The following FAM3B variants were observed in gnomAD, a reference collection of about 807,000 sequenced individuals.
FAM3B encodes FAM3 metabolism regulating signaling molecule B, also known as protein FAM3B.
FAM3B carries 29 observed loss-of-function variants against 28.4 expected under a neutral mutation model. The observed-to-expected ratio is 1.02, with a 90% CI of 0.76 to 1.39. FAM3B has a LOEUF of 1.39. Ranked by LOEUF, FAM3B falls within the 40% of genes most tolerant of loss-of-function variation. The pLI is 0.00. For synonymous variants in FAM3B, 91 were observed against 103.0 expected, an observed-to-expected ratio of 0.88 and a Z score of 0.71; for missense variants, 266 against 293.9, an observed-to-expected ratio of 0.91 and a Z score of 0.69.
chr21:41,320,459 C>T (rs1353123169), intron 1 of FAM3B: 1 of 152,232 alleles, frequency 6.6e-6, no homozygotes, highest in East Asian at 1.9e-4. Flanking sequence ...TTTGTTACAG[C>T]AGCCTGAGGA....
chr21:41,349,233 A>G (rs1294141768), intron 7 of FAM3B, among the ~76,000 whole-genome samples: 3 of 152,236 alleles, frequency 2.0e-5, no homozygotes, highest in Non-Finnish European at 4.4e-5. Context: ...GAGCAAAAGA[A>G]TGGCGTTCTC....
chr21:41,340,966 A>ATATATATATATATATATACATACAGG (rs1390715693), intron 3 of FAM3B, among the ~76,000 whole-genome samples: 13 of 152,256 alleles, frequency 8.5e-5, no homozygotes, highest in Admixed American at 2.0e-4. Context: ...ATACAGGTAT[A>ATATATATATATATATATACATACAGG]TATATGCATG....
rs1463660047 is a variant in FAM3B, at chr21:41,322,840, A to T, written c.20-83A>T. On this transcript the variant is annotated intron_variant, in intron 1 of 7. Coordinates refer to ENST00000357985, the MANE Select transcript of FAM3B (RefSeq NM_058186.4). ...TCCCCTGACACTGGGCCGGGATGAA[A>T]AGCCACAGGGGGGATGGGGAGGGCC... The T allele has an allele frequency of 1.9e-6, 3 of 1,610,378 alleles. No homozygotes were observed. The Admixed American group carries it at 5.0e-5, about 27-fold the overall frequency.
At chr21:41,352,782 G>T (rs1218388471) in intron 7 of FAM3B, among the ~76,000 whole-genome samples, 1 of 129,032 alleles carries the variant, frequency 7.8e-6, no homozygotes, top group South Asian at 2.3e-4. Flanking sequence ...CAACATTAGC[G>T]AAACTCCATC....
intron 3 of FAM3B, among the ~76,000 whole-genome samples, chr21:41,341,353 G>A (rs923986392): frequency 5.9e-5 from 9 of 152,188 alleles, no homozygotes; most frequent in Non-Finnish European, 7.3e-5. Context: ...ATGATAAGGC[G>A]AGCAGTTGTG....
chr21:41,337,025 T>C (rs1318046105), intron 2 of FAM3B, among the ~76,000 whole-genome samples: 1 of 152,222 alleles, frequency 6.6e-6, no homozygotes, highest in Non-Finnish European at 1.5e-5. Context: ...ACATTTGTGG[T>C]AATTATTGAT....
intron 2 of FAM3B, among the ~76,000 whole-genome samples, chr21:41,337,303 G>A (rs530741714): frequency 6.6e-6 from 1 of 152,320 alleles, no homozygotes; most frequent in South Asian, 2.1e-4. Flanking sequence ...AGCACTGTGG[G>A]TTCTATGGGT....
At chr21:41,355,444 A>T (rs1276263915) in intron 7 of FAM3B, among the ~76,000 whole-genome samples, 1 of 152,248 alleles carries the variant, frequency 6.6e-6, no homozygotes, top group African/African-American at 2.4e-5. Context: ...ATGGGTAAGA[A>T]ATGTATATAT....
At chr21:41,329,338 T>C (rs552603129) in intron 2 of FAM3B, among the ~76,000 whole-genome samples, 1 of 152,334 alleles carries the variant, frequency 6.6e-6, no homozygotes, top group South Asian at 2.1e-4. Flanking sequence ...TCTCGCCTTG[T>C]CCTGCCTCAT....
At chr21:41,320,050 G>A (rs1179005039) in intron 1 of FAM3B, 2 of 152,126 alleles carry the variant, frequency 1.3e-5, no homozygotes, top group Non-Finnish European at 2.9e-5. Context: ...CAAGGAGAGA[G>A]GCTCAGAGGA....
At chr21:41,336,494 C>G (rs1601362803) in intron 2 of FAM3B, among the ~76,000 whole-genome samples, 1 of 152,172 alleles carries the variant, frequency 6.6e-6, no homozygotes, top group African/African-American at 2.4e-5. Context: ...TACACTCCAG[C>G]CTGGGTGACA....
chr21:41,324,842 C>T (rs754676131), intron 2 of FAM3B, among the ~76,000 whole-genome samples: 1 of 152,170 alleles, frequency 6.6e-6, no homozygotes, highest in Non-Finnish European at 1.5e-5. Context: ...TGGCTCACAC[C>T]TATAATCGCA....
upstream of FAM3B, chr21:41,316,728 C>G: frequency 1.6e-6 from 1 of 624,388 alleles, no homozygotes; most frequent in Non-Finnish European, 2.4e-6. Flanking sequence ...GGGTCCGCAC[C>G]TGCCATTTGC....
intron 1 of FAM3B, chr21:41,304,431 C>A: frequency 2.7e-6 from 1 of 371,166 alleles, no homozygotes; most frequent in Non-Finnish European, 5.3e-6. Flanking sequence ...AGGTTGCCTG[C>A]ACCGGCGGTT....
At chr21:41,322,460 A>G (rs2088815467) in intron 1 of FAM3B, 1 of 646,538 alleles carries the variant, frequency 1.5e-6, no homozygotes, top group Non-Finnish European at 2.9e-6. Context: ...TACTATTCCC[A>G]GTGCTGGTGA....
intron 7 of FAM3B, among the ~76,000 whole-genome samples, chr21:41,349,005 C>G (rs541694448): frequency 6.6e-6 from 1 of 152,332 alleles, no homozygotes; most frequent in South Asian, 2.1e-4. Flanking sequence ...TTTACCTCCC[C>G]AAGCTCCTGC....
At chr21:41,341,444 C>T (rs73226127) in intron 3 of FAM3B, among the ~76,000 whole-genome samples, 16,532 of 152,234 alleles carry the variant, frequency 0.11, 1,103 homozygotes, top group Non-Finnish European at 0.15. Flanking sequence ...ATGCAGCTTC[C>T]TCTTTCCTTC....
chr21:41,354,538 A>G (rs1258027818), intron 7 of FAM3B, among the ~76,000 whole-genome samples: 2 of 152,226 alleles, frequency 1.3e-5, no homozygotes, highest in South Asian at 2.1e-4. Context: ...AGGGACATGT[A>G]TGGAGCTGGA....
intron 7 of FAM3B, among the ~76,000 whole-genome samples, chr21:41,351,164 A>C (rs78958049): frequency 0.04 from 6,099 of 152,314 alleles, 395 homozygotes; most frequent in African/African-American, 0.14. Flanking sequence ...CGTAGAAAAC[A>C]AAAACCTCAT....
Sources: allele counts gnomAD v4.1 joint callset (sites outside exome capture counted in the v4.1 genomes callset), GRCh38; gene constraint gnomAD v4.1.1; transcripts MANE v1.5; gene names NCBI Gene and HGNC (gene_info 2026-07-23, HGNC 2026-07-21).